Variants in FBXO11 observed in about 807,000 individuals in gnomAD.
FBXO11 encodes F-box protein 11, also known as F-box only protein 11.
In FBXO11, 13 loss-of-function variants were observed where a neutral mutation model predicts 117.0. The ratio of observed to expected loss-of-function variants is 0.11; its 90% confidence interval spans 0.07 to 0.18. The LOEUF (loss-of-function observed/expected upper bound fraction) is 0.18. Ranked by LOEUF, FBXO11 falls within the 10% of genes least tolerant of loss-of-function variation. FBXO11 has a pLI of 1.00. For synonymous variants in FBXO11, 490 were observed against 380.5 expected, an observed-to-expected ratio of 1.29 and a Z score of -3.35; for missense variants, 767 against 1,164.4, an observed-to-expected ratio of 0.66 and a Z score of 4.97.
chr2:47,829,683 T>C (rs951404444), intron 11 of FBXO11, among the ~76,000 whole-genome samples: 5 of 150,508 alleles, frequency 3.3e-5, no homozygotes, highest in Non-Finnish European at 5.9e-5. Flanking sequence ...TATTGAGGAG[T>C]GGATTAGCAC....
At chr2:47,858,969 G>A (rs1301432521) in intron 1 of FBXO11, among the ~76,000 whole-genome samples, 1 of 150,574 alleles carries the variant, frequency 6.6e-6, no homozygotes, top group Non-Finnish European at 1.5e-5. Context: ...AATCCGGGAG[G>A]CGGAGGTCGC....
Position 47,905,613 on chromosome 2 carries a change from G to GGGCGGCTGCGGC in FBXO11, c.96_107dup (p.Pro33_Pro36dup). The GGGCGGCTGCGGC allele has an allele frequency of 2.2e-6, 3 of 1,360,118 alleles. No individual in the cohort carries two copies. The highest frequency in any genetic ancestry group is 2.8e-6 in the Non-Finnish European group (3 of 1,053,064). 84.3% of individuals were successfully genotyped at this position (1,360,118 alleles called of 1,614,324 possible). Reference sequence around the variant, plus strand: ...GCTGCTGCTGGGGCGGCTGCTGCTGGGGCGGCTGCGGCGGCGGCTGCTGCG... The same window carrying GGGCGGCTGCGGC: ...GCTGCTGCTGGGGCGGCTGCTGCTGGGGCGGCTGCGGCGGCGGCTGCGGCGGCGGCTGCTGCG... On this transcript the variant is annotated inframe_insertion, in exon 1 of 23. Coordinates refer to ENST00000403359, the MANE Select transcript of FBXO11 (RefSeq NM_001190274.2).
Position 47,807,793 on chromosome 2 carries a change from C to G in FBXO11, c.*325G>C, listed in dbSNP as rs1277061942. ...GCTTGTCTATTGAAGATTACTACTG[C>G]AAATTGGACTGCATTCAATGCTAGT... On this transcript the variant is annotated 3_prime_UTR_variant, in exon 23 of 23. Transcript: ENST00000403359. 3.8e-6 allele frequency: 1 copy of G among 264,456 alleles called. No homozygotes were observed. The highest frequency in any genetic ancestry group is 7.3e-6 in the Non-Finnish European group (1 of 136,940). The allele number at this position is 264,456 out of a possible 1,614,324, so 16.4% of individuals were successfully genotyped here. A position where few individuals can be genotyped will look rare whatever the true frequency, so the allele number is the denominator to read the frequency against.
intron 1 of FBXO11, among the ~76,000 whole-genome samples, chr2:47,842,981 T>C (rs1333173206): frequency 6.6e-6 from 1 of 152,106 alleles, no homozygotes; most frequent in Non-Finnish European, 1.5e-5. Flanking sequence ...ACACAAGGTC[T>C]CACCATGTTG....
chr2:47,868,183 T>C (rs1487120683), intron 1 of FBXO11, among the ~76,000 whole-genome samples: 2 of 149,730 alleles, frequency 1.3e-5, no homozygotes, highest in African/African-American at 2.5e-5. Flanking sequence ...TTCAGGAGGC[T>C]GAGGCAGGAG....
At chr2:47,819,449 C>T (rs1167595253) in intron 14 of FBXO11, among the ~76,000 whole-genome samples, 2 of 152,168 alleles carry the variant, frequency 1.3e-5, no homozygotes, top group African/African-American at 4.8e-5. Context: ...CTCCTGACCT[C>T]GTGATCCACC....
At chr2:47,887,916 G>A (rs2103958938) in intron 1 of FBXO11, among the ~76,000 whole-genome samples, 1 of 152,230 alleles carries the variant, frequency 6.6e-6, no homozygotes. Context: ...CTGGCGCAGA[G>A]GTGAGGCAGA....
At chr2:47,886,602 A>G (rs1676870242) in intron 1 of FBXO11, among the ~76,000 whole-genome samples, 1 of 152,326 alleles carries the variant, frequency 6.6e-6, no homozygotes, top group South Asian at 2.1e-4. Flanking sequence ...AATAGCATAC[A>G]AGAATTTAAA....
rs572659856 is a variant in FBXO11 at position 47,898,097 on chromosome 2, T to C, written c.232+7392A>G. ...ACAAAACATTTAACAACGGGGTTTTTAGAAACTGGGAGAGCAAGCAATTAA... is the reference window on the plus strand; with the variant it reads ...ACAAAACATTTAACAACGGGGTTTTCAGAAACTGGGAGAGCAAGCAATTAA... On this transcript the variant is annotated intron_variant, in intron 1 of 22. Coordinates refer to ENST00000403359, the MANE Select transcript of FBXO11 (RefSeq NM_001190274.2). Among the ~76,000 whole-genome samples, 13 of 152,360 alleles carry C rather than the reference T, an allele frequency of 8.5e-5. 1 individual carries two copies. The South Asian group carries it at 2.7e-3, about 32-fold the overall frequency.
At position 47,832,767 on chromosome 2, in the gene FBXO11, A is replaced by G. The variant is rs770336997; in HGVS notation, c.1153+2T>C. ...ATTGTAAAATATAAAGAAAACACTA[A>G]CCTGTACATGTACTTCGGATGATAC... On this transcript the variant is annotated splice_donor_variant, in intron 9 of 22. Coordinates refer to ENST00000403359, the MANE Select transcript of FBXO11 (RefSeq NM_001190274.2). LOFTEE classifies it high-confidence loss of function. The G allele has an allele frequency of 3.1e-6, 5 of 1,611,194 alleles. No individual in the cohort carries two copies. The Admixed American group carries it at 8.3e-5, about 27-fold the overall frequency.
chr2:47,873,268 C>T (rs1016024550), intron 1 of FBXO11, among the ~76,000 whole-genome samples: 1 of 152,228 alleles, frequency 6.6e-6, no homozygotes. Flanking sequence ...AGGCCCTTCC[C>T]TTATCTGTAT....
At chr2:47,903,303 T>C (rs900002212) in intron 1 of FBXO11, among the ~76,000 whole-genome samples, 4 of 152,216 alleles carry the variant, frequency 2.6e-5, no homozygotes, top group African/African-American at 9.6e-5. Flanking sequence ...TCCTCTCTGC[T>C]CTGTGCCAAC....
chr2:47,870,952 C>T (rs1312307179), intron 1 of FBXO11, among the ~76,000 whole-genome samples: 1 of 152,188 alleles, frequency 6.6e-6, no homozygotes, highest in Non-Finnish European at 1.5e-5. Flanking sequence ...CATACTACTA[C>T]TTGAGCTCCA....
intron 1 of FBXO11, among the ~76,000 whole-genome samples, chr2:47,889,022 T>C (rs947150011): frequency 6.6e-6 from 1 of 152,164 alleles, no homozygotes; most frequent in Non-Finnish European, 1.5e-5. Flanking sequence ...CTAGAGAAGA[T>C]GAAGGAAAAC....
intron 16 of FBXO11, among the ~76,000 whole-genome samples, chr2:47,814,774 A>T (rs1010273906): frequency 6.6e-6 from 1 of 152,240 alleles, no homozygotes; most frequent in Non-Finnish European, 1.5e-5. Flanking sequence ...ATGTTGTTAT[A>T]GCATTTTGCT....
intron 1 of FBXO11, among the ~76,000 whole-genome samples, chr2:47,904,299 C>T (rs750025174): frequency 6.6e-6 from 1 of 152,180 alleles, no homozygotes; most frequent in Admixed American, 6.5e-5. Context: ...AACAACCGTA[C>T]ACATAAATAC....
intron 1 of FBXO11, among the ~76,000 whole-genome samples, chr2:47,898,161 T>C (rs1017722949): frequency 2.6e-5 from 4 of 152,222 alleles, no homozygotes; most frequent in African/African-American, 9.6e-5. Context: ...GCTATCTTAT[T>C]CGGGGTGTTT....
intron 1 of FBXO11, among the ~76,000 whole-genome samples, chr2:47,878,640 G>A (rs1436284790): frequency 4.6e-5 from 7 of 151,790 alleles, no homozygotes; most frequent in Non-Finnish European, 7.4e-5. Context: ...GGGATTACAG[G>A]TGTGAGCCAC....
At chr2:47,895,254 T>C (rs1470110265) in intron 1 of FBXO11, among the ~76,000 whole-genome samples, 1 of 152,138 alleles carries the variant, frequency 6.6e-6, no homozygotes, top group Non-Finnish European at 1.5e-5. Context: ...CAATCCTATG[T>C]CCATCAACTG....
Sources: allele counts gnomAD v4.1 joint callset (sites outside exome capture counted in the v4.1 genomes callset), GRCh38; gene constraint gnomAD v4.1.1; transcripts MANE v1.5; gene names NCBI Gene and HGNC (gene_info 2026-07-23, HGNC 2026-07-21).